The following CTNNBIP1 variants were observed in gnomAD, a reference collection of about 807,000 sequenced individuals.
CTNNBIP1 encodes beta-catenin-interacting protein 1.
A neutral mutation model predicts 11.8 loss-of-function variants in CTNNBIP1; 7 were observed. The observed-to-expected ratio is 0.60, with a 90% confidence interval of 0.34 to 1.12. The LOEUF (loss-of-function observed/expected upper bound fraction) is 1.12. CTNNBIP1 is among the 50% of genes most tolerant of loss of function. The pLI, the probability that CTNNBIP1 is intolerant of heterozygous loss-of-function variation, is 0.03. For synonymous variants in CTNNBIP1, 58 were observed against 43.9 expected (o/e 1.32, Z -1.26); for missense variants, 101 against 113.4 (o/e 0.89, Z 0.50).
At chr1:9,901,688 A>C (rs1639524945) in intron 1 of CTNNBIP1, among the ~76,000 whole-genome samples, 1 of 152,164 alleles carries the variant, frequency 6.6e-6, no homozygotes. Context: ...CTTCTAGCTG[A>C]AACAGCGTCA....
chr1:9,886,369 C>T (rs545346598), intron 1 of CTNNBIP1, among the ~76,000 whole-genome samples: 1 of 148,378 alleles, frequency 6.7e-6, no homozygotes, highest in Non-Finnish European at 1.5e-5. Flanking sequence ...CCAGTAGCAG[C>T]CCCCCTCCAG....
chr1:9,897,849 G>A (rs947629927), intron 1 of CTNNBIP1, among the ~76,000 whole-genome samples: 9 of 152,176 alleles, frequency 5.9e-5, no homozygotes, highest in African/African-American at 9.6e-5. Flanking sequence ...GGCCGGATGC[G>A]GTGGCTCACG....
At chr1:9,852,917 G>A (rs187701610) in intron 5 of CTNNBIP1, among the ~76,000 whole-genome samples, 77 of 152,304 alleles carry the variant, frequency 5.1e-4, no homozygotes, top group Middle Eastern at 3.4e-3. Context: ...GAGGAGCCCA[G>A]ACCTGGGGAC....
Position 9,851,060 on chromosome 1 carries a change from G to A in CTNNBIP1, c.188-284C>T, listed in dbSNP as rs975980069. 6.6e-6 allele frequency among the ~76,000 whole-genome samples: 1 copy of A among 152,214 alleles called. No homozygotes were observed. The highest frequency in any genetic ancestry group is 1.5e-5 in the Non-Finnish European group (1 of 68,042). On this transcript the variant is annotated intron_variant, in intron 5 of 5. Coordinates refer to ENST00000377263, the MANE Select transcript of CTNNBIP1 (RefSeq NM_020248.3). This position sits in a 1 kb window ranked among gnomAD's most constrained non-coding sequence, Gnocchi z 4.8. ...CAGCTGACAGGTGAGCCATGACGAGGCCCCAGGTGACCTGGAGCAGGGCTC... is the reference window on the plus strand; with the variant it reads ...CAGCTGACAGGTGAGCCATGACGAGACCCCAGGTGACCTGGAGCAGGGCTC...
intron 1 of CTNNBIP1, among the ~76,000 whole-genome samples, chr1:9,888,424 A>G (rs1639229831): frequency 6.6e-6 from 1 of 151,936 alleles, no homozygotes; most frequent in Non-Finnish European, 1.5e-5. Flanking sequence ...TCTACTAAAA[A>G]ATACCAAAAA....
At chr1:9,882,427 CG>C (rs1457705191) in intron 2 of CTNNBIP1, among the ~76,000 whole-genome samples, 3 of 152,070 alleles carry the variant, frequency 2.0e-5, no homozygotes, top group East Asian at 3.9e-4. Flanking sequence ...TGAGTCGCCT[CG>C]GGGATGTGCG....
intron 1 of CTNNBIP1, among the ~76,000 whole-genome samples, chr1:9,901,589 G>C (rs945748823): frequency 6.6e-6 from 1 of 152,080 alleles, no homozygotes; most frequent in South Asian, 2.1e-4. Flanking sequence ...TGCTACTCGG[G>C]CCTGAAAAAA....
chr1:9,900,809 C>A (rs995553245), intron 1 of CTNNBIP1, among the ~76,000 whole-genome samples: 1 of 152,190 alleles, frequency 6.6e-6, no homozygotes, highest in Non-Finnish European at 1.5e-5. Context: ...GCAACTCCAG[C>A]GATCGGCCAG....
chr1:9,866,124 A>G (rs775709996), intron 5 of CTNNBIP1, among the ~76,000 whole-genome samples: 1 of 152,244 alleles, frequency 6.6e-6, no homozygotes, highest in Non-Finnish European at 1.5e-5. Context: ...AGGAGCTCAG[A>G]GCCCGGTCAA....
intron 2 of CTNNBIP1, among the ~76,000 whole-genome samples, chr1:9,880,763 A>G (rs1181231416): frequency 1.3e-5 from 2 of 152,226 alleles, no homozygotes; most frequent in Non-Finnish European, 2.9e-5. Context: ...CCATCCATGT[A>G]AGACAGTAAG....
chr1:9,856,101 T>C (rs1222176477), intron 5 of CTNNBIP1, among the ~76,000 whole-genome samples: 1 of 151,934 alleles, frequency 6.6e-6, no homozygotes, highest in African/African-American at 2.4e-5. Context: ...TGAGCTGAGA[T>C]CGCACCACTG....
chr1:9,856,511 T>A (rs1192584288), intron 5 of CTNNBIP1, among the ~76,000 whole-genome samples: 4 of 145,464 alleles, frequency 2.7e-5, no homozygotes, highest in Admixed American at 6.7e-5. Context: ...ACGTAAAAAA[T>A]TCTTTTTTTT....
intron 3 of CTNNBIP1, among the ~76,000 whole-genome samples, chr1:9,875,230 C>T (rs1638943057): frequency 6.6e-6 from 1 of 152,164 alleles, no homozygotes; most frequent in Non-Finnish European, 1.5e-5. Flanking sequence ...GCCCCGGGTC[C>T]CAGGGCAAGA....
chr1:9,899,193 C>CGCCTGTGA (rs1247523506), intron 1 of CTNNBIP1, among the ~76,000 whole-genome samples: 1 of 152,114 alleles, frequency 6.6e-6, no homozygotes, highest in Non-Finnish European at 1.5e-5. Flanking sequence ...CGGTGGCTCA[C>CGCCTGTGA]GCCTGTGATC....
At chr1:9,907,884 C>T in intron 1 of CTNNBIP1, among the ~76,000 whole-genome samples, 1 of 152,192 alleles carries the variant, frequency 6.6e-6, no homozygotes, top group East Asian at 1.9e-4. Context: ...TTCCTGCCTC[C>T]ACCTTTGCTC....
chr1:9,887,917 C>T (rs181437894), intron 1 of CTNNBIP1, among the ~76,000 whole-genome samples: 2 of 151,912 alleles, frequency 1.3e-5, no homozygotes, highest in Non-Finnish European at 2.9e-5. Flanking sequence ...CTCCGCCTCC[C>T]GGGTTCAAGT....
chr1:9,887,203 C>G (rs1236333890), intron 1 of CTNNBIP1, among the ~76,000 whole-genome samples: 3 of 152,204 alleles, frequency 2.0e-5, no homozygotes, highest in Non-Finnish European at 4.4e-5. Flanking sequence ...AGTCCAGGCA[C>G]AGAGTGGCAG....
intron 1 of CTNNBIP1, among the ~76,000 whole-genome samples, chr1:9,884,331 C>A (rs57691961): frequency 1.3e-5 from 2 of 152,074 alleles, no homozygotes; most frequent in African/African-American, 4.8e-5. Context: ...TGGGGCAGGG[C>A]AGTCTGGGGA....
intron 1 of CTNNBIP1, among the ~76,000 whole-genome samples, chr1:9,906,744 C>T (rs920161544): frequency 6.6e-5 from 10 of 152,112 alleles, no homozygotes; most frequent in African/African-American, 2.4e-4. Flanking sequence ...TATATTGCAC[C>T]CTGGATGAGG....
Sources: gnomAD v4.1 joint callset for allele counts (sites outside exome capture counted in the v4.1 genomes callset) on GRCh38, gnomAD v4.1.1 for gene constraint, Gnocchi (gnomAD v3.1) non-coding constraint, MANE v1.5 for transcripts, NCBI Gene and HGNC (gene_info 2026-07-23, HGNC 2026-07-21) for gene names.